The following FAM117A variants were observed in gnomAD, a reference collection of about 807,000 sequenced individuals.
FAM117A encodes protein FAM117A.
Under a neutral mutation model 44.1 loss-of-function variants are expected in FAM117A, and 21 were observed. The observed-to-expected ratio is 0.48, with a 90% confidence interval of 0.34 to 0.69. The LOEUF (loss-of-function observed/expected upper bound fraction) is 0.69. Ranked by LOEUF, FAM117A falls within the 30% of genes least tolerant of loss-of-function variation. The pLI is 0.01. For synonymous variants in FAM117A, 220 were observed against 238.3 expected, an observed-to-expected ratio of 0.92 and a Z score of 0.71; for missense variants, 498 against 589.9, an observed-to-expected ratio of 0.84 and a Z score of 1.61.
intron 2 of FAM117A, among the ~76,000 whole-genome samples, chr17:49,729,630 C>T (rs1269164508): frequency 2.0e-5 from 3 of 151,252 alleles, no homozygotes; most frequent in South Asian, 2.1e-4. Flanking sequence ...CTCAGTCTCC[C>T]GAGTAGCTGG....
intron 2 of FAM117A, among the ~76,000 whole-genome samples, chr17:49,731,500 G>A (rs2073584699): frequency 6.6e-6 from 1 of 152,206 alleles, no homozygotes; most frequent in African/African-American, 2.4e-5. Flanking sequence ...TGAACTGGAT[G>A]ATCTGCAGAG....
chr17:49,711,326 G>A lies in FAM117A; in HGVS notation c.1291C>T (p.Pro431Ser). 1 of 1,609,772 alleles carries A rather than the reference G, an allele frequency of 6.2e-7. No homozygotes were observed. The highest frequency in any genetic ancestry group is 8.5e-7 in the Non-Finnish European group (1 of 1,177,316). ...GGGGTGCGCTGCCATGGCTCGAATG[G>A]CAGTGGGGAGGCCTTGGAGGCTTCC... ...DPEASKASPLPFEPWQRTPPS... is the reference protein window; with the variant it reads ...DPEASKASPLSFEPWQRTPPS... Residue 431 changes from proline to serine, a missense_variant, in exon 8 of 8, where the codon CCA becomes TCA. Transcript: ENST00000240364.
At chr17:49,753,106 G>A (rs2073683877) in intron 1 of FAM117A, among the ~76,000 whole-genome samples, 1 of 152,040 alleles carries the variant, frequency 6.6e-6, no homozygotes, top group South Asian at 2.1e-4. Flanking sequence ...CAAGTGATCT[G>A]CCCGCCTCGG....
intron 1 of FAM117A, among the ~76,000 whole-genome samples, chr17:49,786,866 T>A (rs2073811819): frequency 6.6e-6 from 1 of 151,058 alleles, no homozygotes. Context: ...GAGACAGTAG[T>A]TCAGCTCAGT....
chr17:49,747,458 T>C (rs571635915), intron 1 of FAM117A, among the ~76,000 whole-genome samples: 1 of 152,250 alleles, frequency 6.6e-6, no homozygotes, highest in Admixed American at 6.5e-5. Flanking sequence ...GGGGAGGAAG[T>C]TGGGGGGCAC....
chr17:49,722,556 G>A lies in FAM117A; in HGVS notation c.405C>T (p.Ala135=). The A allele has an allele frequency of 1.2e-6, 2 of 1,613,990 alleles. No individual in the cohort carries two copies. The highest frequency in any genetic ancestry group is 1.7e-6 in the Non-Finnish European group (2 of 1,179,960). Residue 135 remains alanine, a synonymous_variant, in exon 3 of 8, where the codon GCC becomes GCT. Coordinates refer to ENST00000240364, the MANE Select transcript of FAM117A (RefSeq NM_030802.4). ...CTGAGCGCTTGTGTGCACAGGAACT[G>A]GCACGCTCACCTTCTAGCTCTTGCC... The part of the protein sequence containing the change: ...LSWQELEGER[A]SSCAHKRSAS...
intron 1 of FAM117A, 58 bp downstream of exon 1, chr17:49,763,834 A>C (rs1598035209): frequency 4.9e-5 from 14 of 286,970 alleles, no homozygotes; most frequent in African/African-American, 5.1e-5. Context: ...TCCCGCGGTC[A>C]CGCGCCCCCC....
intron 1 of FAM117A, among the ~76,000 whole-genome samples, chr17:49,746,768 C>T (rs180831814): frequency 1.3e-5 from 2 of 152,224 alleles, no homozygotes; most frequent in South Asian, 2.1e-4. Flanking sequence ...AACAGCTAAA[C>T]GGAGGGTAGC....
At chr17:49,783,187 T>C (rs2073794930) in intron 1 of FAM117A, among the ~76,000 whole-genome samples, 1 of 152,224 alleles carries the variant, frequency 6.6e-6, no homozygotes, top group Non-Finnish European at 1.5e-5. Context: ...CCCTGAGGCC[T>C]CTGCTGCCAT....
intron 2 of FAM117A, among the ~76,000 whole-genome samples, chr17:49,728,193 G>T (rs2073568470): frequency 1.3e-5 from 2 of 152,212 alleles, no homozygotes; most frequent in African/African-American, 4.8e-5. Flanking sequence ...CAGGCAGTGT[G>T]CCCAGGCCCC....
At chr17:49,724,968 C>T (rs943287612) in intron 2 of FAM117A, among the ~76,000 whole-genome samples, 3 of 152,162 alleles carry the variant, frequency 2.0e-5, no homozygotes, top group Non-Finnish European at 2.9e-5. Context: ...TTCCACCAAC[C>T]ACTGCCTTCT....
intron 2 of FAM117A, 56 bp downstream of exon 2, chr17:49,732,495 G>A (rs2073589809): frequency 5.1e-6 from 8 of 1,565,448 alleles, no homozygotes. Context: ...GGCCTCCTCA[G>A]CCAGCTCTCC....
intron 1 of FAM117A, among the ~76,000 whole-genome samples, chr17:49,761,041 C>T (rs925764149): frequency 1.3e-5 from 2 of 152,200 alleles, no homozygotes; most frequent in African/African-American, 2.4e-5. Context: ...GCAAATCCTG[C>T]TCTTTACACC....
chr17:49,788,711 G>C, upstream of FAM117A: 3 of 1,038,986 alleles, frequency 2.9e-6, no homozygotes, highest in Non-Finnish European at 4.1e-6. Context: ...AGAGGCAGGA[G>C]GCACTAGGGA....
In FAM117A at chr17:49,717,487, C is replaced by G. The variant is rs887764888; in HGVS notation, c.910+26G>C. 3 of 1,609,186 alleles carry G rather than the reference C, an allele frequency of 1.9e-6. No individual in the cohort carries two copies. The African/African-American group carries it at 4.0e-5, about 21-fold the overall frequency. ...CCACTCATGTGCCCCAGAGTCAGCC[C>G]TGCTGCCTCAGCCTTCGCGGCTTAC... On this transcript the variant is annotated intron_variant, in intron 6 of 7. Transcript: ENST00000240364.
chr17:49,746,477 T>C (rs2073654724), intron 1 of FAM117A, among the ~76,000 whole-genome samples: 1 of 152,180 alleles, frequency 6.6e-6, no homozygotes, highest in African/African-American at 2.4e-5. Flanking sequence ...TGGATAAGGC[T>C]GAGGCAAGGA....
intron 1 of FAM117A, among the ~76,000 whole-genome samples, chr17:49,787,014 G>A (rs373801368): frequency 9.9e-5 from 15 of 152,238 alleles, no homozygotes; most frequent in African/African-American, 3.6e-4. Flanking sequence ...AGCCCACGAG[G>A]TGGAGCTTGC....
chr17:49,739,018 G>A (rs1455824188), intron 1 of FAM117A, among the ~76,000 whole-genome samples: 2 of 152,046 alleles, frequency 1.3e-5, no homozygotes, highest in South Asian at 2.1e-4. Flanking sequence ...GCAGGCTGGT[G>A]CAGCATGGCC....
chr17:49,765,206 C>A (rs2073741810), upstream of FAM117A, among the ~76,000 whole-genome samples: 1 of 152,128 alleles, frequency 6.6e-6, no homozygotes. Context: ...ATTTGTTAAC[C>A]ATTTTGTTCT....
Sources: gnomAD v4.1 joint callset for allele counts (sites outside exome capture counted in the v4.1 genomes callset) on GRCh38, gnomAD v4.1.1 for gene constraint, MANE v1.5 for transcripts, NCBI Gene and HGNC (gene_info 2026-07-23, HGNC 2026-07-21) for gene names.